The following RAI1 variants were observed in gnomAD, a reference collection of about 807,000 sequenced individuals.
The protein encoded by RAI1 is retinoic acid induced 1.
Under a neutral mutation model 123.8 loss-of-function variants are expected in RAI1, and 9 were observed. The ratio of observed to expected loss-of-function variants is 0.07; its 90% CI spans 0.04 to 0.13. The LOEUF is 0.13. RAI1 is among the 10% of genes least tolerant of loss of function. RAI1 has a pLI of 1.00. For synonymous variants in RAI1, 1,231 were observed against 1,127.3 expected, an observed-to-expected ratio of 1.09 and a Z score of -1.84; for missense variants, 2,256 against 2,545.8, an observed-to-expected ratio of 0.89 and a Z score of 2.45.
intron 2 of RAI1, among the ~76,000 whole-genome samples, chr17:17,782,786 C>T (rs1183744202): frequency 6.6e-6 from 1 of 152,108 alleles, no homozygotes; most frequent in South Asian, 2.1e-4. Context: ...TTCTCCACAC[C>T]GCCGGCCGTC....
At position 17,796,072 on chromosome 17, in the gene RAI1, G is replaced by T; in HGVS notation, c.3124G>T (p.Gly1042Ter). The change falls in exon 3 of 6, where the codon GGA (glycine) becomes TGA (stop). Residue 1042 changes from glycine (G) to a stop codon, truncating the protein, a stop_gained. Transcript: ENST00000353383. LOFTEE classifies it high-confidence loss of function. The surrounding 1 kb of genome is among the most constrained non-coding windows in gnomAD (Gnocchi z 5.8). Reference sequence around the variant, plus strand: ...CCCCCAGGGACAGATGGAAGGGGCTGGAGCCCCAGGCCGGGGGGCCTCGGA... The same window carrying T: ...CCCCCAGGGACAGATGGAAGGGGCTTGAGCCCCAGGCCGGGGGGCCTCGGA... Reference protein sequence around the residue: ...GPPQGQMEGAGAPGRGASEGL... With the variant: ...GPPQGQMEGA The T allele has an allele frequency of 6.3e-7, 1 of 1,581,104 alleles. No homozygotes were observed. The highest frequency in any genetic ancestry group is 8.6e-7 in the Non-Finnish European group (1 of 1,163,696).
At chr17:17,784,354 A>C (rs572042792) in intron 2 of RAI1, among the ~76,000 whole-genome samples, 143 of 152,334 alleles carry the variant, frequency 9.4e-4, no homozygotes, top group African/African-American at 3.2e-3. Context: ...GCAGCGGCAC[A>C]TTCCACGACT....
chr17:17,773,073 G>GGA (rs2031217869), intron 2 of RAI1, among the ~76,000 whole-genome samples: 3 of 92,562 alleles, frequency 3.2e-5, no homozygotes, highest in Middle Eastern at 5.1e-3. Context: ...GGGTGGGTGG[G>GGA]TGGATGGATG....
intron 2 of RAI1, among the ~76,000 whole-genome samples, chr17:17,768,411 T>C (rs2031019879): frequency 6.6e-6 from 1 of 152,200 alleles, no homozygotes; most frequent in Non-Finnish European, 1.5e-5. Context: ...GATTAATCCC[T>C]AGGGCAGACT....
chr17:17,796,430 G>A lies in RAI1; in HGVS notation c.3482G>A (p.Arg1161Gln), dbSNP rs761985540. The A allele has an allele frequency of 1.2e-5, 20 of 1,613,360 alleles. No individual in the cohort carries two copies. The highest frequency in any genetic ancestry group is 1.6e-4 in the Middle Eastern group (1 of 6,062). The change falls in exon 3 of 6, where the codon CGG (arginine) becomes CAG (glutamine). Residue 1161 changes from arginine to glutamine, a missense_variant. Physicochemically the swap from Arg to Gln is conservative, Grantham distance 43 (BLOSUM62 1). This residue lies in a region of RAI1 where 322 missense variants were observed against 358.0 expected (regional missense o/e 0.90). Transcript: ENST00000353383. The surrounding 1 kb of genome is among the most constrained non-coding windows in gnomAD (Gnocchi z 5.8). ...KTQEIFHSKR[R>Q]RPSEGRLPNC... Reference sequence around the variant, plus strand: ...CAGGAGATCTTCCACTCCAAGCGGCGGAGGCCCTCTGAGGGCCGGCTCCCC... The same window carrying A: ...CAGGAGATCTTCCACTCCAAGCGGCAGAGGCCCTCTGAGGGCCGGCTCCCC...
chr17:17,692,348 A>G (rs1161915662), intron 1 of RAI1, among the ~76,000 whole-genome samples: 1 of 152,224 alleles, frequency 6.6e-6, no homozygotes, highest in Non-Finnish European at 1.5e-5. Context: ...ATATGTGAAT[A>G]TCTGTCTCTT....
At chr17:17,695,750 G>A (rs145120535) in intron 1 of RAI1, among the ~76,000 whole-genome samples, 1 of 152,222 alleles carries the variant, frequency 6.6e-6, no homozygotes, top group Non-Finnish European at 1.5e-5. Flanking sequence ...CCAAACTCCT[G>A]ACCTCAAGTA....
chr17:17,723,358 G>T (rs1401108809), intron 1 of RAI1, among the ~76,000 whole-genome samples: 1 of 116,758 alleles, frequency 8.6e-6, no homozygotes, highest in South Asian at 3.1e-4. Flanking sequence ...CCCAAGCCCC[G>T]TGACATTCAC....
rs2032726960 is a variant in RAI1, at chr17:17,810,684, G to T, written c.*703G>T. On this transcript the variant is annotated 3_prime_UTR_variant, in exon 6 of 6. Transcript: ENST00000353383. This position sits in a 1 kb window ranked among gnomAD's most constrained non-coding sequence, Gnocchi z 4.6. ...CAGTTAGGGGTTGCGGGATCCCCGAGTGTGGGCGGGACTGGGACACCCTTT... is the reference window on the plus strand; with the variant it reads ...CAGTTAGGGGTTGCGGGATCCCCGATTGTGGGCGGGACTGGGACACCCTTT... The T allele has an allele frequency of 2.6e-6, 1 of 380,936 alleles. No individual in the cohort carries two copies. The highest frequency in any genetic ancestry group is 2.9e-5 in the Admixed American group (1 of 34,268). 23.6% of individuals were successfully genotyped at this position (380,936 alleles called of 1,614,324 possible).
chr17:17,732,181 C>T (rs1170382753), intron 2 of RAI1, among the ~76,000 whole-genome samples: 1 of 152,130 alleles, frequency 6.6e-6, no homozygotes, highest in South Asian at 2.1e-4. Flanking sequence ...AAAGGTCTGG[C>T]AACTGTGGTT....
chr17:17,701,798 C>A (rs1182660139), intron 1 of RAI1, among the ~76,000 whole-genome samples: 1 of 152,210 alleles, frequency 6.6e-6, no homozygotes, highest in Non-Finnish European at 1.5e-5. Context: ...CATCCCTCCT[C>A]CCTTTGTGCG....
rs767980377 is a variant in RAI1, at chr17:17,795,699, G to A, written c.2751G>A (p.Pro917=). The A allele has an allele frequency of 1.5e-5, 25 of 1,613,198 alleles. No individual in the cohort carries two copies. The highest frequency in any genetic ancestry group is 1.1e-4 in the East Asian group (5 of 44,888). The change falls in exon 3 of 6, where the codon CCG becomes CCA. Residue 917 remains proline (P), a synonymous_variant. Transcript: ENST00000353383. This position sits in a 1 kb window ranked among gnomAD's most constrained non-coding sequence, Gnocchi z 5.9. ...VLDSKAGWGS[P]CHLSGESVIL... The stretch of plus-strand genomic sequence containing the variant: ...ACTCCAAGGCCGGCTGGGGCTCTCC[G>A]TGCCACCTCTCAGGGGAGTCCGTCA...
In RAI1 at chr17:17,811,251, A is replaced by G. The variant is rs143628855; in HGVS notation, c.*1270A>G. The G allele has an allele frequency of 9.1e-6, 3 of 330,626 alleles. No homozygotes were observed. The highest frequency in any genetic ancestry group is 1.8e-5 in the Non-Finnish European group (3 of 169,922). The allele number at this position is 330,626 out of a possible 1,614,324, so 20.5% of individuals were successfully genotyped here. ...TTATATAGTGTATATATATGTATACATATACATATATATAATATATATGAA... is the reference window on the plus strand; with the variant it reads ...TTATATAGTGTATATATATGTATACGTATACATATATATAATATATATGAA... On this transcript the variant is annotated 3_prime_UTR_variant, in exon 6 of 6. Transcript: ENST00000353383.
chr17:17,728,688 T>G (rs1011196088), intron 2 of RAI1, among the ~76,000 whole-genome samples: 4 of 152,178 alleles, frequency 2.6e-5, no homozygotes, highest in African/African-American at 9.6e-5. Flanking sequence ...CCCATGGATC[T>G]CCACTCATAT....
At chr17:17,759,839 G>A (rs2030613317) in intron 2 of RAI1, among the ~76,000 whole-genome samples, 2 of 152,226 alleles carry the variant, frequency 1.3e-5, no homozygotes, top group Non-Finnish European at 2.9e-5. Flanking sequence ...TGTCCGTGAA[G>A]CTGAGTACAA....
chr17:17,742,653 C>T (rs1036983212), intron 2 of RAI1, among the ~76,000 whole-genome samples: 3 of 152,150 alleles, frequency 2.0e-5, no homozygotes, highest in Admixed American at 1.3e-4. Flanking sequence ...TGTGTGAAGT[C>T]GCAAGTTCAT....
intron 2 of RAI1, among the ~76,000 whole-genome samples, chr17:17,775,717 G>A (rs1252375995): frequency 2.0e-5 from 3 of 152,010 alleles, no homozygotes; most frequent in Non-Finnish European, 4.4e-5. Context: ...AGTAGACTGG[G>A]GCCAGGAGAA....
chr17:17,718,623 A>G (rs562154970), intron 1 of RAI1, among the ~76,000 whole-genome samples: 65 of 152,198 alleles, frequency 4.3e-4, no homozygotes, highest in Non-Finnish European at 6.8e-4. Flanking sequence ...ACCAAAGGAG[A>G]TATGTGTGGG....
At chr17:17,764,504 GCT>G (rs1249809803) in intron 2 of RAI1, among the ~76,000 whole-genome samples, 1 of 109,814 alleles carries the variant, frequency 9.1e-6, no homozygotes, top group Non-Finnish European at 1.8e-5. Flanking sequence ...ACAAAATCTT[GCT>G]CTGTCACCCA....
Sources: allele counts gnomAD v4.1 joint callset (sites outside exome capture counted in the v4.1 genomes callset), GRCh38; gene constraint gnomAD v4.1.1; regional missense constraint gnomAD v4.1.1; non-coding constraint Gnocchi (gnomAD v3.1); transcripts MANE v1.5; gene names NCBI Gene and HGNC (gene_info 2026-07-23, HGNC 2026-07-21).